The following QTMAN variants were observed in gnomAD, a reference collection of about 807,000 sequenced individuals.
QTMAN encodes the protein tRNA-queuosine alpha-mannosyltransferase.
the QTMAN span, among the ~76,000 whole-genome samples, chr2:144,059,601 T>C: frequency 2.0e-5 from 3 of 152,192 alleles, no homozygotes; most frequent in South Asian, 6.2e-4. Context: ...CAGAGCCTTC[T>C]ACCTAGTCTA....
chr2:144,250,132 TTTTGTTTG>T, the QTMAN span, among the ~76,000 whole-genome samples: 1 of 144,354 alleles, frequency 6.9e-6, no homozygotes, highest in African/African-American at 2.8e-5. Flanking sequence ...TGTTTTTTTT[TTTTGTTTG>T]TTTTTGTTTT....
chr2:143,988,732 C>T, the QTMAN span, among the ~76,000 whole-genome samples: 1 of 152,192 alleles, frequency 6.6e-6, no homozygotes, highest in Non-Finnish European at 1.5e-5. Flanking sequence ...TCTAGCTGCA[C>T]AGAATGTGCT....
At chr2:144,274,049 G>A in the QTMAN span, among the ~76,000 whole-genome samples, 214 of 152,180 alleles carry the variant, frequency 1.4e-3, 1 homozygote, top group African/African-American at 4.5e-3. Context: ...CAGGAGAATC[G>A]CTTGAACCCG....
At chr2:144,138,655 T>C in the QTMAN span, among the ~76,000 whole-genome samples, 1 of 151,988 alleles carries the variant, frequency 6.6e-6, no homozygotes, top group Non-Finnish European at 1.5e-5. Context: ...GGTGAGAAGA[T>C]GGAGAATATG....
chr2:144,188,052 A>T, the QTMAN span, among the ~76,000 whole-genome samples: 1 of 151,136 alleles, frequency 6.6e-6, no homozygotes, highest in Admixed American at 6.6e-5. Flanking sequence ...GCAAGGAAGG[A>T]TTCATCCCTA....
the QTMAN span, among the ~76,000 whole-genome samples, chr2:144,271,776 C>A: frequency 6.6e-6 from 1 of 152,162 alleles, no homozygotes; most frequent in African/African-American, 2.4e-5. Context: ...CTGTACTGAG[C>A]AAGTCAGGTA....
the QTMAN span, among the ~76,000 whole-genome samples, chr2:144,176,828 G>T: frequency 3.9e-5 from 6 of 152,150 alleles, 1 homozygote; most frequent in African/African-American, 1.4e-4. Context: ...GTACTAGTCT[G>T]TTCTCACATT....
At chr2:144,088,644 T>C in the QTMAN span, among the ~76,000 whole-genome samples, 4 of 151,992 alleles carry the variant, frequency 2.6e-5, no homozygotes, top group Non-Finnish European at 5.9e-5. Context: ...TGGAATAGAA[T>C]TGAGAACCCA....
chr2:143,969,123 C>T, the QTMAN span, among the ~76,000 whole-genome samples: 1 of 152,194 alleles, frequency 6.6e-6, no homozygotes, highest in African/African-American at 2.4e-5. Flanking sequence ...TCACAGCACT[C>T]ATCATTGAGG....
the QTMAN span, among the ~76,000 whole-genome samples, chr2:144,324,998 T>C: frequency 6.6e-6 from 1 of 152,188 alleles, no homozygotes; most frequent in African/African-American, 2.4e-5. Context: ...CCTAAAACTC[T>C]AATCAATCCA....
chr2:143,995,716 T>C, the QTMAN span, among the ~76,000 whole-genome samples: 1 of 152,148 alleles, frequency 6.6e-6, no homozygotes, highest in Admixed American at 6.5e-5. Flanking sequence ...ATGTTTAAAA[T>C]CAGGAAGCTT....
At chr2:144,033,840 C>G in the QTMAN span, among the ~76,000 whole-genome samples, 1 of 152,172 alleles carries the variant, frequency 6.6e-6, no homozygotes. Context: ...TAGCTCCTAT[C>G]ACTCAGGAAA....
chr2:144,040,501 T>C, the QTMAN span, among the ~76,000 whole-genome samples: 1 of 152,154 alleles, frequency 6.6e-6, no homozygotes, highest in African/African-American at 2.4e-5. Flanking sequence ...CATTCTTCTC[T>C]TGCCTACTGT....
At chr2:144,099,919 A>G in the QTMAN span, among the ~76,000 whole-genome samples, 1 of 152,222 alleles carries the variant, frequency 6.6e-6, no homozygotes, top group Non-Finnish European at 1.5e-5. Flanking sequence ...ATGGTATACA[A>G]GTGTAAGCCG....
the QTMAN span, among the ~76,000 whole-genome samples, chr2:144,068,533 T>C: frequency 6.6e-6 from 1 of 152,228 alleles, no homozygotes; most frequent in Admixed American, 6.5e-5. Context: ...AAACCAATTT[T>C]AATCTGTAGT....
chr2:144,265,425 C>T, the QTMAN span, among the ~76,000 whole-genome samples: 4 of 152,276 alleles, frequency 2.6e-5, no homozygotes, highest in African/African-American at 4.8e-5. Flanking sequence ...CGGTCAGGCG[C>T]GGTGGCTCAC....
the QTMAN span, among the ~76,000 whole-genome samples, chr2:144,050,021 G>C: frequency 2.6e-5 from 4 of 152,212 alleles, no homozygotes; most frequent in South Asian, 8.3e-4. Context: ...CCACAATCTA[G>C]AGCATTTACA....
At chr2:144,262,169 T>G in the QTMAN span, among the ~76,000 whole-genome samples, 1 of 152,118 alleles carries the variant, frequency 6.6e-6, no homozygotes, top group Non-Finnish European at 1.5e-5. Flanking sequence ...AATGTAAGGT[T>G]ATTTAGTGAG....
the QTMAN span, among the ~76,000 whole-genome samples, chr2:144,241,369 C>T: frequency 2.0e-5 from 3 of 152,206 alleles, no homozygotes; most frequent in Admixed American, 2.0e-4. Flanking sequence ...CTCTAAACTT[C>T]TTCCCTCACA....
Sources: gnomAD v4.1 joint callset for allele counts (sites outside exome capture counted in the v4.1 genomes callset) on GRCh38, gnomAD v4.1.1 for gene constraint, MANE v1.5 for transcripts, NCBI Gene and HGNC (gene_info 2026-07-23, HGNC 2026-07-21) for gene names.